TTC7B: variants seen among roughly 807,000 people sequenced by gnomAD.
TTC7B encodes the protein tetratricopeptide repeat protein 7B.
Under a neutral mutation model 106.8 loss-of-function variants are expected in TTC7B, and 28 were observed. That is an observed-to-expected ratio of 0.26 (90% confidence interval 0.19 to 0.36). The LOEUF is 0.36. TTC7B is among the 10% of genes least tolerant of loss of function. TTC7B has a pLI of 1.00. For missense variants in TTC7B, 862 were observed against 1,076.4 expected, an observed-to-expected ratio of 0.80 and a Z score of 2.79; for synonymous variants, 405 against 430.6, an observed-to-expected ratio of 0.94 and a Z score of 0.74.
chr14:90,692,387 T>G (rs912782393), intron 6 of TTC7B, among the ~76,000 whole-genome samples: 1 of 152,234 alleles, frequency 6.6e-6, no homozygotes, highest in Admixed American at 6.5e-5. Context: ...TCACACCAGA[T>G]AGAGTTTACA....
chr14:90,571,829 T>C (rs1891047173), intron 19 of TTC7B, among the ~76,000 whole-genome samples: 2 of 152,200 alleles, frequency 1.3e-5, no homozygotes, highest in African/African-American at 2.4e-5. Flanking sequence ...ACTGCAGATG[T>C]GCCAATGCGT....
intron 5 of TTC7B, among the ~76,000 whole-genome samples, chr14:90,720,330 C>A (rs1357523738): frequency 3.3e-5 from 5 of 152,156 alleles, no homozygotes; most frequent in Admixed American, 2.0e-4. Context: ...AATGCTGTAA[C>A]TATCTTAGGC....
chr14:90,707,875 G>A (rs1888274118), intron 5 of TTC7B, among the ~76,000 whole-genome samples: 1 of 152,148 alleles, frequency 6.6e-6, no homozygotes. Context: ...GGAAAGGTGT[G>A]GTGGCTCACG....
At chr14:90,796,408 G>A (rs1891776610) in intron 1 of TTC7B, among the ~76,000 whole-genome samples, 1 of 152,206 alleles carries the variant, frequency 6.6e-6, no homozygotes, top group African/African-American at 2.4e-5. Flanking sequence ...GAGCCACCCT[G>A]CAGGGGGGTC....
rs563568950 is a variant in TTC7B at position 90,647,627 on chromosome 14, T to C, written c.1518-604A>G. On this transcript the variant is annotated intron_variant, in intron 13 of 19. Coordinates refer to ENST00000328459, the MANE Select transcript of TTC7B (RefSeq NM_001010854.2). Reference sequence around the variant, plus strand: ...ATTGCAGATAACTGTCGTGTAAGAGTGTGGTGAGACACTAGGCTCAGTTTT... The same window carrying C: ...ATTGCAGATAACTGTCGTGTAAGAGCGTGGTGAGACACTAGGCTCAGTTTT... Among the ~76,000 whole-genome samples the C allele has an allele frequency of 2.0e-5, 3 of 151,908 alleles. No homozygotes were observed. The South Asian group carries it at 6.2e-4, about 32-fold the overall frequency.
rs918935672 is a variant in TTC7B at position 90,680,351 on chromosome 14, T to A, written c.1014+121A>T. The A allele has an allele frequency of 2.6e-5, 19 of 723,650 alleles. No homozygotes were observed. The Admixed American group carries it at 5.1e-4, about 19-fold the overall frequency. 44.8% of individuals were successfully genotyped at this position (723,650 alleles called of 1,614,324 possible). Reference sequence around the variant, plus strand: ...CCTCTACTGTTTTTTCCCATCCAGGTATACCCTCTAGAAAGTATTTTCTCT... The same window carrying A: ...CCTCTACTGTTTTTTCCCATCCAGGAATACCCTCTAGAAAGTATTTTCTCT... On this transcript the variant is annotated intron_variant, in intron 8 of 19. Transcript: ENST00000328459.
chr14:90,742,148 C>T lies in TTC7B; in HGVS notation c.576+2644G>A, dbSNP rs756322065. ...CTCGAACTTCTGGGCTCAAGCAATC[C>T]TCCCACCTAAGCCTCCCAAGTAGCT... On this transcript the variant is annotated intron_variant, in intron 4 of 19. Coordinates refer to ENST00000328459, the MANE Select transcript of TTC7B (RefSeq NM_001010854.2). The surrounding 1 kb of genome is among the most constrained non-coding windows in gnomAD (Gnocchi z 4.1). Among the ~76,000 whole-genome samples the T allele has an allele frequency of 6.6e-6, 1 of 152,140 alleles. No individual in the cohort carries two copies. Among genetic ancestry groups the T allele is most frequent in the East Asian group, 1.9e-4 (1 of 5,196 alleles).
chr14:90,701,794 G>GTATATATATATA (rs1365407194), intron 5 of TTC7B, among the ~76,000 whole-genome samples: 2 of 124,872 alleles, frequency 1.6e-5, no homozygotes, highest in African/African-American at 7.0e-5. Context: ...GTGTGTGTGT[G>GTATATATATATA]TGTATATATA....
At position 90,671,846 on chromosome 14, in the gene TTC7B, C is replaced by T. The variant is rs189704418; in HGVS notation, c.1152+4677G>A. Among the ~76,000 whole-genome samples the T allele has an allele frequency of 4.6e-5, 7 of 152,146 alleles. No individual in the cohort carries two copies. The South Asian group carries it at 6.2e-4, about 14-fold the overall frequency. Reference sequence around the variant, plus strand: ...ATGATGTGGTGCACACAGAGGCGGCCGGTCTTGAGATGGGAGAGCAGCCTT... The same window carrying T: ...ATGATGTGGTGCACACAGAGGCGGCTGGTCTTGAGATGGGAGAGCAGCCTT... On this transcript the variant is annotated intron_variant, in intron 9 of 19. Coordinates refer to ENST00000328459, the MANE Select transcript of TTC7B (RefSeq NM_001010854.2).
chr14:90,581,157 C>T (rs1891472272), intron 18 of TTC7B, among the ~76,000 whole-genome samples: 1 of 152,158 alleles, frequency 6.6e-6, no homozygotes, highest in Non-Finnish European at 1.5e-5. Flanking sequence ...TAACGGGGCC[C>T]AGGGGCTTGT....
chr14:90,589,586 C>T (rs953611037), intron 18 of TTC7B, among the ~76,000 whole-genome samples: 24 of 151,990 alleles, frequency 1.6e-4, no homozygotes, highest in African/African-American at 5.8e-4. Context: ...TGGTTAAATC[C>T]GTGGGTGCAG....
intron 17 of TTC7B, among the ~76,000 whole-genome samples, chr14:90,609,899 T>C (rs1892804764): frequency 6.6e-6 from 1 of 152,196 alleles, no homozygotes; most frequent in Non-Finnish European, 1.5e-5. Context: ...TGAGTGTTAA[T>C]ACAACACAAG....
Position 90,628,635 on chromosome 14 carries a change from G to A in TTC7B, c.1752-10590C>T, listed in dbSNP as rs1190702915. 3.3e-5 allele frequency among the ~76,000 whole-genome samples: 5 copies of A among 152,222 alleles called. No homozygotes were observed. In the East Asian group the frequency reaches 9.6e-4, roughly 29 times the overall value. ...TGCACAGTCAGGAGGGAACTAGGAA[G>A]GAAGGGGCCTGGCAGGGCACTGGGA... On this transcript the variant is annotated intron_variant, in intron 15 of 19. Transcript: ENST00000328459.
intron 3 of TTC7B, among the ~76,000 whole-genome samples, chr14:90,749,614 A>G (rs978615322): frequency 6.6e-6 from 1 of 152,118 alleles, no homozygotes; most frequent in African/African-American, 2.4e-5. Context: ...CATGTTGGTC[A>G]GGCTGGTCTC....
chr14:90,808,039 C>G lies in TTC7B; in HGVS notation c.121+8136G>C, dbSNP rs780412856. Among the ~76,000 whole-genome samples, 1 of 152,226 alleles carries G rather than the reference C, an allele frequency of 6.6e-6. No individual in the cohort carries two copies. Among genetic ancestry groups the G allele is most frequent in the Non-Finnish European group, 1.5e-5 (1 of 68,040 alleles). ...CTAGAATCCAGTTCAATTAACGGCT[C>G]TAGCCTCAGTCTACTCAAGCCCTGA... On this transcript the variant is annotated intron_variant, in intron 1 of 19. Coordinates refer to ENST00000328459, the MANE Select transcript of TTC7B (RefSeq NM_001010854.2). This position sits in a 1 kb window ranked among gnomAD's most constrained non-coding sequence, Gnocchi z 4.2.
At chr14:90,725,492 G>A (rs1889064345) in intron 5 of TTC7B, among the ~76,000 whole-genome samples, 1 of 152,164 alleles carries the variant, frequency 6.6e-6, no homozygotes, top group Non-Finnish European at 1.5e-5. Context: ...AGATTATATG[G>A]GAAGATTGAA....
chr14:90,571,669 C>T (rs1226074199), intron 19 of TTC7B, among the ~76,000 whole-genome samples: 2 of 152,150 alleles, frequency 1.3e-5, no homozygotes, highest in South Asian at 2.1e-4. Flanking sequence ...ACTGATACTT[C>T]GGATGAAAGA....
At chr14:90,616,939 G>A (rs1893108908) in intron 16 of TTC7B, among the ~76,000 whole-genome samples, 1 of 152,234 alleles carries the variant, frequency 6.6e-6, no homozygotes, top group Non-Finnish European at 1.5e-5. Flanking sequence ...TATTGGAGCA[G>A]TTGTGTGAAT....
intron 9 of TTC7B, among the ~76,000 whole-genome samples, chr14:90,670,094 T>C (rs780604298): frequency 2.6e-5 from 4 of 152,310 alleles, no homozygotes; most frequent in Middle Eastern, 3.4e-3. Flanking sequence ...CAGGTGTCCA[T>C]TGACAGATGA....
Sources: gnomAD v4.1 joint callset for allele counts (sites outside exome capture counted in the v4.1 genomes callset) on GRCh38, gnomAD v4.1.1 for gene constraint, Gnocchi (gnomAD v3.1) non-coding constraint, MANE v1.5 for transcripts, NCBI Gene and HGNC (gene_info 2026-07-23, HGNC 2026-07-21) for gene names.